Variants in CEMIP observed in about 807,000 individuals in gnomAD.
CEMIP encodes cell migration inducing hyaluronidase 1.
Under a neutral mutation model 156.9 loss-of-function variants are expected in CEMIP, and 105 were observed. The observed-to-expected ratio is 0.67, with a 90% CI of 0.57 to 0.79. The LOEUF is 0.79. Ranked by LOEUF, CEMIP falls within the 30% of genes least tolerant of loss-of-function variation. The pLI is 0.00. For missense variants in CEMIP, 1,457 were observed against 1,769.4 expected, an observed-to-expected ratio of 0.82 and a Z score of 3.17; for synonymous variants, 676 against 668.4, an observed-to-expected ratio of 1.01 and a Z score of -0.17.
chr15:80,838,513 C>G (rs1455728361), intron 1 of CEMIP, among the ~76,000 whole-genome samples: 1 of 152,082 alleles, frequency 6.6e-6, no homozygotes, highest in African/African-American at 2.4e-5. Context: ...ATGCCACCAC[C>G]CATTGCTGCC....
At chr15:80,863,411 A>G (rs947589202) in intron 1 of CEMIP, among the ~76,000 whole-genome samples, 4 of 152,076 alleles carry the variant, frequency 2.6e-5, no homozygotes, top group African/African-American at 9.7e-5. Context: ...GTCTGTTGGG[A>G]AGGAAAATGT....
intron 14 of CEMIP, among the ~76,000 whole-genome samples, chr15:80,918,861 G>C (rs1339684398): frequency 3.3e-5 from 5 of 152,038 alleles, no homozygotes; most frequent in African/African-American, 1.2e-4. Flanking sequence ...CAGGCTACAG[G>C]CCCTCTGAAG....
In CEMIP at chr15:80,900,969, A is replaced by G. The variant is rs540546096; in HGVS notation, c.1411+4909A>G. ...TTGCATTTCCCTTAAGGCCTTTCTG[A>G]TGGGAAACAGATGGGGGTAACATAG... is the stretch of plus-strand genomic sequence containing the variant. On this transcript the variant is annotated intron_variant, in intron 12 of 29. Transcript: ENST00000394685. The G allele has an allele frequency of 2.6e-5, 12 of 455,710 alleles. 1 individual carries two copies. The highest frequency in any genetic ancestry group is 1.2e-4 in the African/African-American group (6 of 50,078). 28.2% of individuals were successfully genotyped at this position (455,710 alleles called of 1,614,324 possible).
intron 3 of CEMIP, among the ~76,000 whole-genome samples, chr15:80,875,401 T>C (rs895905940): frequency 6.6e-6 from 1 of 152,172 alleles, no homozygotes; most frequent in Admixed American, 6.5e-5. Context: ...CATTTGTCTT[T>C]CTTTCATTTA....
chr15:80,949,026 T>C lies in CEMIP; in HGVS notation c.*102T>C. ...GGGTCCCCCAGCCCCTGCCAGCAGCTGCCTGGGAAGGCCGTGTTTCAGCCC... is the reference window on the plus strand; with the variant it reads ...GGGTCCCCCAGCCCCTGCCAGCAGCCGCCTGGGAAGGCCGTGTTTCAGCCC... On this transcript the variant is annotated 3_prime_UTR_variant, in exon 30 of 30. Coordinates refer to ENST00000394685, the MANE Select transcript of CEMIP (RefSeq NM_001293298.2). 6.6e-7 allele frequency: 1 copy of C among 1,512,002 alleles called. No homozygotes were observed. Among genetic ancestry groups the C allele is most frequent in the South Asian group, 1.1e-5 (1 of 88,752 alleles). 93.7% of individuals were successfully genotyped at this position (1,512,002 alleles called of 1,614,324 possible).
chr15:80,829,965 GGTGTGTGTGTGTGTGTGTGTGT>G (rs370594946), intron 1 of CEMIP, among the ~76,000 whole-genome samples: 1 of 133,710 alleles, frequency 7.5e-6, no homozygotes, highest in Admixed American at 7.6e-5. Flanking sequence ...GGAGGTAGCG[GGTGTGTGTGTGTGTGTGTGTGT>G]GTGTGTGTGT....
intron 1 of CEMIP, among the ~76,000 whole-genome samples, chr15:80,822,698 G>A (rs1027857147): frequency 7.2e-5 from 11 of 152,164 alleles, no homozygotes; most frequent in Admixed American, 2.0e-4. Context: ...CTCGGTTTTC[G>A]TAGGACCAAG....
chr15:80,901,183 A>C (rs1344110931), intron 12 of CEMIP, among the ~76,000 whole-genome samples: 1 of 152,130 alleles, frequency 6.6e-6, no homozygotes, highest in East Asian at 1.9e-4. Flanking sequence ...TATTAGCTAG[A>C]ATTAACATGA....
At chr15:80,797,994 G>A (rs1192535351) in intron 1 of CEMIP, among the ~76,000 whole-genome samples, 3 of 152,214 alleles carry the variant, frequency 2.0e-5, no homozygotes, top group Non-Finnish European at 4.4e-5. Context: ...TTGGAGGAAT[G>A]AGCAATAACT....
At chr15:80,800,210 G>A (rs189048766) in intron 1 of CEMIP, among the ~76,000 whole-genome samples, 104 of 152,182 alleles carry the variant, frequency 6.8e-4, no homozygotes, top group African/African-American at 2.3e-3. Context: ...TGAAGGGGTA[G>A]CTGAAATCAC....
At chr15:80,877,693 T>C (rs1240990019) in intron 3 of CEMIP, among the ~76,000 whole-genome samples, 1 of 152,230 alleles carries the variant, frequency 6.6e-6, no homozygotes, top group Admixed American at 6.5e-5. Context: ...GGGTCAAGCC[T>C]TGTTAGCTAT....
intron 13 of CEMIP, 68 bp from the exon 14 acceptor site, chr15:80,909,029 T>C: frequency 6.9e-7 from 1 of 1,450,438 alleles, no homozygotes; most frequent in Non-Finnish European, 9.6e-7. Context: ...CTTTGGAATA[T>C]GGGCACCAGC....
rs577738820 is a variant in CEMIP, at chr15:80,938,248, A to G, written c.3407+269A>G. The G allele has an allele frequency of 4.4e-5, 19 of 431,536 alleles. No homozygotes were observed. In the East Asian group the frequency reaches 8.6e-4, roughly 20 times the overall value. 26.7% of individuals were successfully genotyped at this position (431,536 alleles called of 1,614,324 possible). On this transcript the variant is annotated intron_variant, in intron 25 of 29. Transcript: ENST00000394685. ...TCAGAAAAAAAAAAGTGAAGGCAGTAAATCTTAGAATCCAGAAAACATGGT... is the reference window on the plus strand; with the variant it reads ...TCAGAAAAAAAAAAGTGAAGGCAGTGAATCTTAGAATCCAGAAAACATGGT...
chr15:80,893,390 A>G (rs1899101148), intron 10 of CEMIP, among the ~76,000 whole-genome samples: 1 of 152,130 alleles, frequency 6.6e-6, no homozygotes, highest in Non-Finnish European at 1.5e-5. Flanking sequence ...CAGGTTAGAA[A>G]AAAGGAAAAA....
At chr15:80,845,549 T>C (rs141408150) in intron 1 of CEMIP, among the ~76,000 whole-genome samples, 52 of 152,336 alleles carry the variant, frequency 3.4e-4, no homozygotes, top group African/African-American at 1.2e-3. Context: ...TGAGAAAATA[T>C]GGGAAATGCT....
intron 1 of CEMIP, among the ~76,000 whole-genome samples, chr15:80,813,169 G>T (rs1431999639): frequency 3.9e-5 from 6 of 152,178 alleles, no homozygotes; most frequent in African/African-American, 1.2e-4. Flanking sequence ...ACCAGAAGCT[G>T]GTCACTTCTG....
chr15:80,845,236 T>C (rs538087249), intron 1 of CEMIP, among the ~76,000 whole-genome samples: 91 of 152,148 alleles, frequency 6.0e-4, no homozygotes, highest in African/African-American at 2.1e-3. Context: ...TTTGAGATCA[T>C]CCTGGGCAAC....
At chr15:80,935,460 G>T (rs11854045) in intron 23 of CEMIP, among the ~76,000 whole-genome samples, 19,389 of 152,064 alleles carry the variant, frequency 0.13, 2,626 homozygotes, top group African/African-American at 0.34. Flanking sequence ...GGTTATTAAC[G>T]GTTATTCATA....
intron 1 of CEMIP, among the ~76,000 whole-genome samples, chr15:80,808,052 G>A (rs933396381): frequency 6.6e-6 from 1 of 152,170 alleles, no homozygotes; most frequent in Non-Finnish European, 1.5e-5. Context: ...CTTAACCCAG[G>A]ATTTGTGGGC....
Sources: allele counts gnomAD v4.1 joint callset (sites outside exome capture counted in the v4.1 genomes callset), GRCh38; gene constraint gnomAD v4.1.1; transcripts MANE v1.5; gene names NCBI Gene and HGNC (gene_info 2026-07-23, HGNC 2026-07-21).